NEK11: variants seen among roughly 807,000 people sequenced by gnomAD.
The protein encoded by NEK11 is serine/threonine-protein kinase Nek11.
Under a neutral mutation model 80.7 loss-of-function variants are expected in NEK11, and 72 were observed. That is an observed-to-expected ratio of 0.89 (90% confidence interval 0.74 to 1.08). The LOEUF (loss-of-function observed/expected upper bound fraction) is 1.08, where lower values mean the gene tolerates loss of function less well. NEK11 is among the 50% of genes least tolerant of loss of function. NEK11 has a pLI of 0.00. For synonymous variants in NEK11, 251 were observed against 260.7 expected (o/e 0.96, Z 0.36); for missense variants, 764 against 763.6 (o/e 1.00, Z -0.01).
intron 4 of NEK11, among the ~76,000 whole-genome samples, chr3:131,084,312 C>T (rs1021588561): frequency 3.9e-5 from 6 of 152,200 alleles, no homozygotes; most frequent in Non-Finnish European, 8.8e-5. Context: ...AGTTAGCACT[C>T]AAGATATTTT....
chr3:131,221,931 T>C (rs2095039153), intron 14 of NEK11, among the ~76,000 whole-genome samples: 1 of 152,098 alleles, frequency 6.6e-6, no homozygotes, highest in South Asian at 2.1e-4. Flanking sequence ...TTAACAAGGC[T>C]TCCAGCTGAT....
intron 10 of NEK11, among the ~76,000 whole-genome samples, chr3:131,159,820 A>T (rs980012343): frequency 6.6e-6 from 1 of 152,176 alleles, no homozygotes; most frequent in Non-Finnish European, 1.5e-5. Flanking sequence ...TAGCTGAGGA[A>T]AGAATCTCAG....
intron 15 of NEK11, 69 bp downstream of exon 15, chr3:131,228,757 A>G: frequency 6.8e-7 from 1 of 1,475,238 alleles, no homozygotes; most frequent in Non-Finnish European, 9.1e-7. Flanking sequence ...CCAGAGAAGA[A>G]AGGAAGTCTT....
intron 15 of NEK11, 133 bp downstream of exon 15, chr3:131,228,821 G>T (rs894899609): frequency 6.9e-6 from 6 of 875,726 alleles, no homozygotes; most frequent in Non-Finnish European, 9.9e-6. Flanking sequence ...GCTACTTGTG[G>T]TAAGTCTGGC....
chr3:131,092,195 A>G (rs2076830588), intron 4 of NEK11, among the ~76,000 whole-genome samples: 1 of 152,212 alleles, frequency 6.6e-6, no homozygotes, highest in Non-Finnish European at 1.5e-5. Context: ...CTTGGTATGA[A>G]ATACATAATT....
chr3:131,110,145 C>T (rs959034181), intron 5 of NEK11, among the ~76,000 whole-genome samples: 1 of 152,060 alleles, frequency 6.6e-6, no homozygotes, highest in Non-Finnish European at 1.5e-5. Flanking sequence ...TCAAGTTGGC[C>T]TTGAATATAA....
intron 4 of NEK11, among the ~76,000 whole-genome samples, chr3:131,097,877 G>C (rs111779153): frequency 6.9e-6 from 1 of 144,242 alleles, no homozygotes; most frequent in Non-Finnish European, 1.6e-5. Context: ...GAACAAAGCT[G>C]GAGGCATCAC....
At chr3:131,062,598 C>T (rs1204984130) in intron 3 of NEK11, among the ~76,000 whole-genome samples, 3 of 152,186 alleles carry the variant, frequency 2.0e-5, no homozygotes, top group Non-Finnish European at 2.9e-5. Context: ...CACCCCAAAC[C>T]CAGGCAAATA....
chr3:131,235,766 C>T (rs1338175009), intron 15 of NEK11, among the ~76,000 whole-genome samples: 3 of 152,162 alleles, frequency 2.0e-5, no homozygotes, highest in African/African-American at 7.2e-5. Context: ...GACTATGAAA[C>T]AGACAGATTA....
chr3:131,247,131 C>T (rs2095616013), intron 16 of NEK11, among the ~76,000 whole-genome samples: 1 of 151,944 alleles, frequency 6.6e-6, no homozygotes, highest in African/African-American at 2.4e-5. Context: ...AATTAAGTCC[C>T]ATCTATTTAT....
intron 14 of NEK11, among the ~76,000 whole-genome samples, chr3:131,226,872 A>G (rs914158575): frequency 2.0e-5 from 3 of 152,146 alleles, no homozygotes; most frequent in East Asian, 1.9e-4. Flanking sequence ...TTATATATAT[A>G]TGTGTACATA....
At chr3:131,054,924 C>T (rs2069164662) in intron 3 of NEK11, among the ~76,000 whole-genome samples, 1 of 152,084 alleles carries the variant, frequency 6.6e-6, no homozygotes, top group African/African-American at 2.4e-5. Context: ...TACAGTTGGG[C>T]AGTTTTTTCA....
In NEK11 at chr3:131,245,767, G is replaced by A. The variant is rs116066907; in HGVS notation, c.1621+2271G>A. Among the ~76,000 whole-genome samples, 806 of 151,986 alleles carry A rather than the reference G, an allele frequency of 5.3e-3. 4 individuals carry two copies. Among genetic ancestry groups the A allele is most frequent in the African/African-American group, 0.017 (711 of 41,500 alleles). ...TTTTGAAAAATGTCTGTTCATGCAT[G>A]TCTTTTGCCCACTTTTTATTCGAGT... On this transcript the variant is annotated intron_variant, in intron 16 of 17. Transcript: ENST00000383366.
intron 17 of NEK11, among the ~76,000 whole-genome samples, chr3:131,288,377 T>C (rs2096498023): frequency 6.6e-6 from 1 of 152,066 alleles, no homozygotes; most frequent in Non-Finnish European, 1.5e-5. Flanking sequence ...TCTTTTCTGC[T>C]TTGGCCACTA....
At chr3:131,097,762 C>T (rs2077667797) in intron 4 of NEK11, among the ~76,000 whole-genome samples, 1 of 145,016 alleles carries the variant, frequency 6.9e-6, no homozygotes, top group Middle Eastern at 3.5e-3. Context: ...ATGCCATCCC[C>T]ATCAAGCTAC....
At chr3:131,121,461 C>T (rs187836664) in intron 5 of NEK11, among the ~76,000 whole-genome samples, 34 of 152,334 alleles carry the variant, frequency 2.2e-4, no homozygotes, top group African/African-American at 6.7e-4. Flanking sequence ...GCAGTCTGTC[C>T]GTTCTCAGAT....
At chr3:131,203,401 G>C (rs1375378564) in intron 14 of NEK11, among the ~76,000 whole-genome samples, 1 of 147,168 alleles carries the variant, frequency 6.8e-6, no homozygotes, top group Non-Finnish European at 1.5e-5. Flanking sequence ...GACACAGGAA[G>C]GGGAACATCA....
chr3:131,194,844 CAA>C (rs575504718), intron 14 of NEK11, among the ~76,000 whole-genome samples: 11 of 152,230 alleles, frequency 7.2e-5, no homozygotes, highest in African/African-American at 2.6e-4. Flanking sequence ...TAGTAAGAAT[CAA>C]GAGATACAGA....
chr3:131,231,208 C>CTTTTTTCT (rs778698870), intron 15 of NEK11, among the ~76,000 whole-genome samples: 67 of 144,548 alleles, frequency 4.6e-4, no homozygotes, highest in African/African-American at 1.4e-3. Context: ...TCTTTTTTTT[C>CTTTTTTCT]TTTTTTTTTT....
Sources: allele counts gnomAD v4.1 joint callset (sites outside exome capture counted in the v4.1 genomes callset), GRCh38; gene constraint gnomAD v4.1.1; transcripts MANE v1.5; gene names NCBI Gene and HGNC (gene_info 2026-07-23, HGNC 2026-07-21).